GALNT17: variants seen among roughly 807,000 people sequenced by gnomAD.
GALNT17 encodes the protein UDP-GalNAc:polypeptide N-acetylgalactosaminyltransferase-like 3.
Under a neutral mutation model 63.7 loss-of-function variants are expected in GALNT17, and 29 were observed. The observed-to-expected ratio is 0.46, with a 90% CI of 0.34 to 0.62. The LOEUF (loss-of-function observed/expected upper bound fraction) is 0.62. Ranked by LOEUF, GALNT17 falls within the 20% of genes least tolerant of loss-of-function variation. The pLI, the probability that GALNT17 is intolerant of heterozygous loss-of-function variation, is 0.01. For synonymous variants in GALNT17, 305 were observed against 318.3 expected (o/e 0.96, Z 0.45); for missense variants, 603 against 799.6 (o/e 0.75, Z 2.97).
chr7:71,407,831 C>T (rs573504810), intron 3 of GALNT17, among the ~76,000 whole-genome samples: 14 of 152,192 alleles, frequency 9.2e-5, no homozygotes, highest in African/African-American at 2.6e-4. Context: ...ACATATTTTA[C>T]GACTCCATTT....
intron 5 of GALNT17, among the ~76,000 whole-genome samples, chr7:71,533,229 C>T (rs1250090969): frequency 6.6e-6 from 1 of 152,098 alleles, no homozygotes; most frequent in Non-Finnish European, 1.5e-5. Context: ...TGTTCATTTT[C>T]CCTGCCAGAA....
intron 5 of GALNT17, among the ~76,000 whole-genome samples, chr7:71,430,830 A>G (rs759367421): frequency 6.6e-5 from 10 of 152,178 alleles, no homozygotes; most frequent in Non-Finnish European, 1.3e-4. Context: ...GGAAAGCTTT[A>G]AGAGAAGAAA....
chr7:71,620,132 A>G (rs1182821683), intron 6 of GALNT17, among the ~76,000 whole-genome samples: 1 of 152,196 alleles, frequency 6.6e-6, no homozygotes. Context: ...TATCCCAGCA[A>G]TAGAGCCTGT....
chr7:71,590,435 C>T (rs541559975), intron 6 of GALNT17, among the ~76,000 whole-genome samples: 7 of 152,262 alleles, frequency 4.6e-5, no homozygotes, highest in African/African-American at 1.7e-4. Flanking sequence ...AAAAGCCTGT[C>T]ACTCTCATTC....
intron 5 of GALNT17, among the ~76,000 whole-genome samples, chr7:71,488,238 A>G (rs543609794): frequency 2.0e-5 from 3 of 151,088 alleles, no homozygotes; most frequent in Non-Finnish European, 4.4e-5. Context: ...AGAACCAATG[A>G]GATAAGGAGC....
chr7:71,523,377 T>C (rs1449984081), intron 5 of GALNT17, among the ~76,000 whole-genome samples: 1 of 152,144 alleles, frequency 6.6e-6, no homozygotes, highest in Non-Finnish European at 1.5e-5. Flanking sequence ...TGTGGTGAGC[T>C]GAGACTGTGC....
chr7:71,467,550 A>G (rs1787555812), intron 5 of GALNT17, among the ~76,000 whole-genome samples: 1 of 151,960 alleles, frequency 6.6e-6, no homozygotes, highest in Non-Finnish European at 1.5e-5. Context: ...AAAGTTAGGA[A>G]CATCTCACTT....
chr7:71,284,721 A>G (rs957314765), intron 1 of GALNT17: 3 of 152,158 alleles, frequency 2.0e-5, no homozygotes, highest in African/African-American at 4.8e-5. Flanking sequence ...CCAATACACC[A>G]AAGTATTTCC....
intron 2 of GALNT17, among the ~76,000 whole-genome samples, chr7:71,377,114 A>AACAT: frequency 1.7e-5 from 1 of 57,486 alleles, no homozygotes; most frequent in Non-Finnish European, 3.0e-5. Context: ...AAATAAAAAA[A>AACAT]ATATATATAT....
At chr7:71,185,688 T>C (rs971428757) in intron 1 of GALNT17, among the ~76,000 whole-genome samples, 5 of 152,058 alleles carry the variant, frequency 3.3e-5, no homozygotes, top group African/African-American at 1.2e-4. Flanking sequence ...TTTGTATTTT[T>C]AGTGGAGACG....
At chr7:71,228,600 C>T (rs541983125) in intron 1 of GALNT17, among the ~76,000 whole-genome samples, 42 of 152,178 alleles carry the variant, frequency 2.8e-4, no homozygotes, top group Non-Finnish European at 5.6e-4. Context: ...TGCAGGTTCC[C>T]GTGGCTCCCA....
chr7:71,239,333 C>G (rs1445700862), intron 1 of GALNT17, among the ~76,000 whole-genome samples: 1 of 149,024 alleles, frequency 6.7e-6, no homozygotes, highest in African/African-American at 2.4e-5. Context: ...ATTAGCTGGG[C>G]ATGGTGGTAC....
Position 71,350,840 on chromosome 7 carries a change from A to G in GALNT17, c.422+15107A>G, listed in dbSNP as rs905447908. 5.3e-5 allele frequency among the ~76,000 whole-genome samples: 8 copies of G among 152,286 alleles called. No homozygotes were observed. The South Asian group carries it at 1.7e-3, about 32-fold the overall frequency. On this transcript the variant is annotated intron_variant, in intron 2 of 10. Transcript: ENST00000333538. ...GCAGAAGAGATGAGGATAAAACAGC[A>G]GCTCAAAACTCTGGCAGCGGCTGGG...
intron 5 of GALNT17, among the ~76,000 whole-genome samples, chr7:71,438,225 A>G (rs1295025961): frequency 6.6e-6 from 1 of 152,208 alleles, no homozygotes; most frequent in Non-Finnish European, 1.5e-5. Context: ...CAAGCTGGGG[A>G]GCAAGGAAGC....
intron 1 of GALNT17, among the ~76,000 whole-genome samples, chr7:71,272,014 C>T (rs1790601868): frequency 6.6e-6 from 1 of 152,234 alleles, no homozygotes; most frequent in African/African-American, 2.4e-5. Context: ...CTGCCTCGGC[C>T]TCCCAAAGTG....
At chr7:71,370,400 G>A (rs966295873) in intron 2 of GALNT17, among the ~76,000 whole-genome samples, 1 of 152,116 alleles carries the variant, frequency 6.6e-6, no homozygotes, top group Non-Finnish European at 1.5e-5. Context: ...CTGGGCTCAA[G>A]CGATCCTCCT....
intron 5 of GALNT17, among the ~76,000 whole-genome samples, chr7:71,436,391 G>A (rs1786963818): frequency 6.6e-6 from 1 of 152,000 alleles, no homozygotes; most frequent in Non-Finnish European, 1.5e-5. Flanking sequence ...GTTCTATGGA[G>A]GACACTCTTA....
At chr7:71,549,000 G>A (rs1482839292) in intron 5 of GALNT17, among the ~76,000 whole-genome samples, 2 of 152,190 alleles carry the variant, frequency 1.3e-5, no homozygotes, top group African/African-American at 4.8e-5. Context: ...TTGCTTCTGA[G>A]CCTCTGGGGG....
intron 1 of GALNT17, among the ~76,000 whole-genome samples, chr7:71,163,286 A>G (rs2116258506): frequency 6.6e-6 from 1 of 152,280 alleles, no homozygotes; most frequent in South Asian, 2.1e-4. Flanking sequence ...TTATTAAACA[A>G]CCAAGTGGAG....
Sources: gnomAD v4.1 joint callset for allele counts (sites outside exome capture counted in the v4.1 genomes callset) on GRCh38, gnomAD v4.1.1 for gene constraint, MANE v1.5 for transcripts, NCBI Gene and HGNC (gene_info 2026-07-23, HGNC 2026-07-21) for gene names.